XRCC4: variants seen among roughly 807,000 people sequenced by gnomAD.
The protein encoded by XRCC4 is X-ray repair cross complementing 4, also known as DNA repair protein XRCC4.
In XRCC4, 28 loss-of-function variants were observed where a neutral mutation model predicts 39.1. The observed-to-expected ratio is 0.72, with a 90% confidence interval of 0.53 to 0.98. The LOEUF (loss-of-function observed/expected upper bound fraction) is 0.98. Among genes scored for constraint, XRCC4 ranks in the 50% least tolerant of loss-of-function variants. The probability of loss-of-function intolerance (pLI) is 0.00; values close to 1 mark genes in which losing one functional copy is unlikely to be tolerated. For synonymous variants in XRCC4, 123 were observed against 126.4 expected, an observed-to-expected ratio of 0.97 and a Z score of 0.18; for missense variants, 350 against 376.4, an observed-to-expected ratio of 0.93 and a Z score of 0.58.
intron 7 of XRCC4, among the ~76,000 whole-genome samples, chr5:83,293,749 T>C (rs2112982565): frequency 6.6e-6 from 1 of 152,174 alleles, no homozygotes; most frequent in South Asian, 2.1e-4. Flanking sequence ...CATTGAGTGA[T>C]AGGTGTGCAA....
chr5:83,333,932 G>A (rs1435999269), intron 7 of XRCC4, among the ~76,000 whole-genome samples: 1 of 151,948 alleles, frequency 6.6e-6, no homozygotes, highest in Admixed American at 6.6e-5. Context: ...ACCACGCCTG[G>A]CTAATTTTTG....
chr5:83,292,613 A>G (rs1489871307), intron 7 of XRCC4, among the ~76,000 whole-genome samples: 4 of 152,012 alleles, frequency 2.6e-5, no homozygotes, highest in Admixed American at 2.6e-4. Flanking sequence ...TAACTTTTGT[A>G]AATAAAATTA....
At position 83,180,415 on chromosome 5, in the gene XRCC4, G is replaced by A. The variant is rs554840601; in HGVS notation, c.316-15355G>A. On this transcript the variant is annotated intron_variant, in intron 3 of 7. Transcript: ENST00000396027. ...TATATGAAATGACAAGGCTGAGCTA[G>A]GACTATGCTCATTAAAACATTTCAG... is the stretch of plus-strand genomic sequence containing the variant. Among the ~76,000 whole-genome samples, 3 of 152,256 alleles carry A rather than the reference G, an allele frequency of 2.0e-5. No homozygotes were observed. The South Asian group carries it at 6.2e-4, about 32-fold the overall frequency.
At chr5:83,372,622 T>C in the XRCC4 span, among the ~76,000 whole-genome samples, 1 of 152,202 alleles carries the variant, frequency 6.6e-6, no homozygotes, top group African/African-American at 2.4e-5. Flanking sequence ...CTGTCTGTAG[T>C]TGAGGTGATG....
the XRCC4 span, among the ~76,000 whole-genome samples, chr5:83,363,247 C>T: frequency 6.6e-6 from 1 of 151,636 alleles, no homozygotes; most frequent in Non-Finnish European, 1.5e-5. Context: ...TAGGTACTCT[C>T]AGCCACTTGT....
chr5:83,329,616 T>A (rs374472098), intron 7 of XRCC4, among the ~76,000 whole-genome samples: 5 of 152,176 alleles, frequency 3.3e-5, no homozygotes, highest in Admixed American at 2.0e-4. Flanking sequence ...AAAATCAACA[T>A]CATCAGTAAT....
chr5:83,083,451 A>G (rs1381916809), intron 1 of XRCC4, among the ~76,000 whole-genome samples: 2 of 143,376 alleles, frequency 1.4e-5, no homozygotes, highest in African/African-American at 5.3e-5. Context: ...ATCTCTACTC[A>G]CTACAACCTC....
intron 6 of XRCC4, among the ~76,000 whole-genome samples, chr5:83,234,491 C>T (rs75011420): frequency 0.018 from 2,781 of 152,182 alleles, 71 homozygotes; most frequent in African/African-American, 0.062. Flanking sequence ...AGTACAGCCT[C>T]GAACTCCTGG....
At chr5:83,240,419 G>GT (rs1262762744) in intron 6 of XRCC4, among the ~76,000 whole-genome samples, 1 of 152,162 alleles carries the variant, frequency 6.6e-6, no homozygotes, top group African/African-American at 2.4e-5. Flanking sequence ...AACTAAAACA[G>GT]TATCCTCAGA....
intron 7 of XRCC4, among the ~76,000 whole-genome samples, chr5:83,331,855 T>C (rs1356886316): frequency 6.6e-6 from 1 of 152,122 alleles, no homozygotes; most frequent in Admixed American, 6.6e-5. Context: ...ATAAGGATAA[T>C]AGAGCAAAGC....
At chr5:83,316,114 GGGT>G (rs1755873998) in intron 7 of XRCC4, among the ~76,000 whole-genome samples, 1 of 152,054 alleles carries the variant, frequency 6.6e-6, no homozygotes, top group Non-Finnish European at 1.5e-5. Context: ...GATGATTAGG[GGGT>G]TCAAGACTTT....
chr5:83,267,720 C>A (rs1017786089), intron 7 of XRCC4, among the ~76,000 whole-genome samples: 1 of 152,112 alleles, frequency 6.6e-6, no homozygotes, highest in African/African-American at 2.4e-5. Context: ...AAATGTCTAG[C>A]TTGATTGAAG....
chr5:83,204,082 G>A (rs995159082), intron 5 of XRCC4, among the ~76,000 whole-genome samples: 1 of 152,080 alleles, frequency 6.6e-6, no homozygotes, highest in Non-Finnish European at 1.5e-5. Context: ...AGAATCAAGT[G>A]GTTAATATTA....
At chr5:83,325,869 T>G (rs989269546) in intron 7 of XRCC4, among the ~76,000 whole-genome samples, 3 of 152,076 alleles carry the variant, frequency 2.0e-5, no homozygotes, top group Non-Finnish European at 2.9e-5. Flanking sequence ...TTCTAGGTCT[T>G]TAAGGAGTCA....
At chr5:83,220,332 A>G (rs1752032236) in intron 6 of XRCC4, among the ~76,000 whole-genome samples, 1 of 152,122 alleles carries the variant, frequency 6.6e-6, no homozygotes, top group Non-Finnish European at 1.5e-5. Context: ...TGTCTATAAT[A>G]TAATATGTAG....
intron 7 of XRCC4, among the ~76,000 whole-genome samples, chr5:83,305,454 T>C (rs533010856): frequency 6.6e-6 from 1 of 152,254 alleles, no homozygotes; most frequent in African/African-American, 2.4e-5. Flanking sequence ...AGATGTATAA[T>C]TTAAATCTCA....
intron 7 of XRCC4, among the ~76,000 whole-genome samples, chr5:83,316,214 A>G (rs1353218599): frequency 6.6e-6 from 1 of 151,896 alleles, no homozygotes; most frequent in Non-Finnish European, 1.5e-5. Context: ...TAAAATTTGA[A>G]TGGATGAAGA....
intron 1 of XRCC4, among the ~76,000 whole-genome samples, chr5:83,100,148 A>G (rs1322591682): frequency 6.6e-6 from 1 of 152,154 alleles, no homozygotes; most frequent in Non-Finnish European, 1.5e-5. Context: ...CTTGTAGGAT[A>G]CTATGTTGTC....
chr5:83,154,488 C>T (rs1419852046), intron 3 of XRCC4, among the ~76,000 whole-genome samples: 1 of 152,160 alleles, frequency 6.6e-6, no homozygotes, highest in African/African-American at 2.4e-5. Flanking sequence ...TGAAGCACTT[C>T]TGGTCCCAAG....
Sources: gnomAD v4.1 joint callset for allele counts (sites outside exome capture counted in the v4.1 genomes callset) on GRCh38, gnomAD v4.1.1 for gene constraint, MANE v1.5 for transcripts, NCBI Gene and HGNC (gene_info 2026-07-23, HGNC 2026-07-21) for gene names.